Variants in NAALADL2 observed in about 807,000 individuals in gnomAD.
The protein encoded by NAALADL2 is inactive N-acetylated-alpha-linked acidic dipeptidase-like protein 2.
Under a neutral mutation model 87.2 loss-of-function variants are expected in NAALADL2, and 76 were observed. The observed-to-expected ratio is 0.87, with a 90% confidence interval of 0.72 to 1.05. The LOEUF (loss-of-function observed/expected upper bound fraction) is 1.05, where lower values mean the gene tolerates loss of function less well. Ranked by LOEUF, NAALADL2 falls within the 50% of genes least tolerant of loss-of-function variation. The pLI is 0.00. For missense variants in NAALADL2, 1,089 were observed against 945.8 expected (o/e 1.15, Z -1.99); for synonymous variants, 354 against 331.0 (o/e 1.07, Z -0.75).
intron 9 of NAALADL2, among the ~76,000 whole-genome samples, chr3:175,558,551 T>C (rs1715739979): frequency 6.6e-6 from 1 of 152,214 alleles, no homozygotes; most frequent in South Asian, 2.1e-4. Context: ...GTTTCATAGT[T>C]GGAAGTCTCA....
chr3:174,638,985 A>G (rs1304730926), intron 2 of NAALADL2, among the ~76,000 whole-genome samples: 2 of 152,200 alleles, frequency 1.3e-5, no homozygotes, highest in Non-Finnish European at 2.9e-5. Flanking sequence ...TTGGAGAGCT[A>G]GAACTCTTTG....
At chr3:175,439,037 G>A (rs1342863073) in intron 5 of NAALADL2, among the ~76,000 whole-genome samples, 1 of 152,018 alleles carries the variant, frequency 6.6e-6, no homozygotes, top group South Asian at 2.1e-4. Context: ...AAAGTCCGCT[G>A]TATGATCCTT....
At chr3:174,594,551 A>G (rs895403817) in intron 2 of NAALADL2, among the ~76,000 whole-genome samples, 38 of 152,028 alleles carry the variant, frequency 2.5e-4, no homozygotes, top group African/African-American at 8.7e-4. Flanking sequence ...CCAGTGCCCA[A>G]TTTTCCTCAA....
intron 12 of NAALADL2, among the ~76,000 whole-genome samples, chr3:175,742,509 T>C (rs985463524): frequency 7.8e-6 from 1 of 128,294 alleles, no homozygotes; most frequent in Non-Finnish European, 1.7e-5. Flanking sequence ...GCCATTCTCC[T>C]GCCTCAGCCT....
At chr3:175,690,663 C>G (rs1736926454) in intron 11 of NAALADL2, among the ~76,000 whole-genome samples, 1 of 151,952 alleles carries the variant, frequency 6.6e-6, no homozygotes, top group Non-Finnish European at 1.5e-5. Context: ...CCCACATTCT[C>G]TGAATCTTCA....
chr3:174,849,344 G>T (rs2109464986), intron 3 of NAALADL2, among the ~76,000 whole-genome samples: 1 of 152,070 alleles, frequency 6.6e-6, no homozygotes, highest in African/African-American at 2.4e-5. Context: ...CAGACACATT[G>T]TACAGCTGTA....
chr3:174,887,536 C>T (rs577072267), intron 1 of NAALADL2, among the ~76,000 whole-genome samples: 3 of 152,222 alleles, frequency 2.0e-5, no homozygotes, highest in African/African-American at 7.2e-5. Context: ...GGCTCACATC[C>T]ATAAACCCAG....
At chr3:175,737,569 A>G (rs535135225) in intron 12 of NAALADL2, among the ~76,000 whole-genome samples, 170 bp downstream of exon 12, 1 of 152,300 alleles carries the variant, frequency 6.6e-6, no homozygotes, top group African/African-American at 2.4e-5. Context: ...TCATTCAACA[A>G]AAATGAGATG....
At chr3:174,925,719 T>A (rs1286318514) in intron 1 of NAALADL2, among the ~76,000 whole-genome samples, 1 of 152,192 alleles carries the variant, frequency 6.6e-6, no homozygotes, top group Non-Finnish European at 1.5e-5. Context: ...TGGAATGTTC[T>A]TCCATTTGTT....
intron 13 of NAALADL2, among the ~76,000 whole-genome samples, chr3:175,788,908 A>G (rs1752439864): frequency 6.6e-6 from 1 of 152,230 alleles, no homozygotes; most frequent in Admixed American, 6.5e-5. Context: ...TATTTTTACA[A>G]ATGATCTCCA....
intron 3 of NAALADL2, among the ~76,000 whole-genome samples, chr3:174,837,015 C>T (rs554110831): frequency 3.9e-5 from 6 of 152,054 alleles, no homozygotes; most frequent in Admixed American, 1.3e-4. Context: ...CTAAGAGGAA[C>T]GTTCATAGCC....
intron 2 of NAALADL2, among the ~76,000 whole-genome samples, chr3:174,626,285 A>G (rs767310678): frequency 6.6e-6 from 1 of 152,036 alleles, no homozygotes; most frequent in Non-Finnish European, 1.5e-5. Flanking sequence ...GATTTTTTTC[A>G]CACCCTCAAT....
intron 1 of NAALADL2, among the ~76,000 whole-genome samples, chr3:174,863,366 G>A (rs945477062): frequency 6.6e-6 from 1 of 152,054 alleles, no homozygotes; most frequent in African/African-American, 2.4e-5. Context: ...GCATTGTCGA[G>A]TATTCAGTGA....
chr3:174,825,022 T>C (rs1721831140), intron 3 of NAALADL2, among the ~76,000 whole-genome samples: 1 of 152,222 alleles, frequency 6.6e-6, no homozygotes, highest in Non-Finnish European at 1.5e-5. Context: ...CTTGCCCTTT[T>C]TCAGTTTCAA....
At chr3:175,034,270 G>T (rs1172396023) in intron 1 of NAALADL2, among the ~76,000 whole-genome samples, 1 of 152,076 alleles carries the variant, frequency 6.6e-6, no homozygotes, top group African/African-American at 2.4e-5. Flanking sequence ...AGCCACACCA[G>T]CCTTTTATTG....
At chr3:174,744,239 G>A (rs915143403) in intron 3 of NAALADL2, among the ~76,000 whole-genome samples, 9 of 151,760 alleles carry the variant, frequency 5.9e-5, no homozygotes, top group African/African-American at 1.9e-4. Context: ...TTATCCAGGC[G>A]GGCCCAATGT....
At chr3:175,548,204 T>C (rs1383439129) in intron 9 of NAALADL2, among the ~76,000 whole-genome samples, 2 of 152,110 alleles carry the variant, frequency 1.3e-5, no homozygotes, top group African/African-American at 4.8e-5. Flanking sequence ...ATATATACCA[T>C]GGAATACTAT....
chr3:175,046,246 G>A (rs770715152), intron 1 of NAALADL2, among the ~76,000 whole-genome samples: 15 of 152,012 alleles, frequency 9.9e-5, no homozygotes, highest in Non-Finnish European at 2.1e-4. Flanking sequence ...ATGCAGATTC[G>A]GAATTAGTGG....
intron 2 of NAALADL2, among the ~76,000 whole-genome samples, chr3:175,209,836 C>T (rs1162591095): frequency 1.3e-5 from 2 of 151,648 alleles, no homozygotes; most frequent in Admixed American, 6.6e-5. Context: ...AGCTTTCTCA[C>T]TGCTTATGTT....
Sources: gnomAD v4.1 joint callset for allele counts (sites outside exome capture counted in the v4.1 genomes callset) on GRCh38, gnomAD v4.1.1 for gene constraint, MANE v1.5 for transcripts, NCBI Gene and HGNC (gene_info 2026-07-23, HGNC 2026-07-21) for gene names.